The following ADGRL3 variants were observed in gnomAD, a reference collection of about 807,000 sequenced individuals.
ADGRL3 encodes the protein adhesion G protein-coupled receptor L3, also known as calcium-independent alpha-latrotoxin receptor 3.
Under a neutral mutation model 153.5 loss-of-function variants are expected in ADGRL3, and 62 were observed. The ratio of observed to expected loss-of-function variants is 0.40; its 90% CI spans 0.33 to 0.50. ADGRL3 has a LOEUF of 0.50. Ranked by LOEUF, ADGRL3 falls within the 20% of genes least tolerant of loss-of-function variation. The pLI, the probability that ADGRL3 is intolerant of heterozygous loss-of-function variation, is 0.47. For missense variants in ADGRL3, 1,641 were observed against 1,859.4 expected (o/e 0.88, Z 2.16); for synonymous variants, 710 against 672.5 (o/e 1.06, Z -0.86).
chr4:61,974,542 C>A (rs1010787477), intron 17 of ADGRL3, among the ~76,000 whole-genome samples: 1 of 152,110 alleles, frequency 6.6e-6, no homozygotes, highest in African/African-American at 2.4e-5. Context: ...AAGAAATATT[C>A]ACTTTCTTGC....
chr4:61,640,496 G>A (rs2093616316), intron 5 of ADGRL3, among the ~76,000 whole-genome samples: 1 of 152,110 alleles, frequency 6.6e-6, no homozygotes, highest in African/African-American at 2.4e-5. Flanking sequence ...CCCACTATAT[G>A]ATCTTGTAGT....
chr4:62,010,599 T>C (rs1287923507), intron 21 of ADGRL3, among the ~76,000 whole-genome samples: 1 of 152,152 alleles, frequency 6.6e-6, no homozygotes, highest in African/African-American at 2.4e-5. Context: ...CTTCTATATT[T>C]TTAAGCTGTG....
At chr4:61,608,181 C>CAGCT (rs2149634212) in intron 5 of ADGRL3, among the ~76,000 whole-genome samples, 1 of 152,304 alleles carries the variant, frequency 6.6e-6, no homozygotes, top group South Asian at 2.1e-4. Context: ...TGCCTCCTAC[C>CAGCT]AGCTTCCCAC....
chr4:61,585,933 C>A (rs1293158449), intron 4 of ADGRL3, among the ~76,000 whole-genome samples: 1 of 151,852 alleles, frequency 6.6e-6, no homozygotes, highest in Non-Finnish European at 1.5e-5. Context: ...ATACAAAAAA[C>A]TTTTATAACA....
rs759990537 is a variant in ADGRL3, at chr4:61,851,589, C to CAA, written c.1480+37725_1480+37726dup. Among the ~76,000 whole-genome samples the CAA allele has an allele frequency of 3.6e-3, 198 of 55,134 alleles. 2 individuals carry two copies. Among genetic ancestry groups the CAA allele is most frequent in the African/African-American group, 8.5e-3 (155 of 18,158 alleles). 36.2% of individuals were successfully genotyped at this position (55,134 alleles called of 152,430 possible). A position where few individuals can be genotyped will look rare whatever the true frequency, so the allele number is the denominator to read the frequency against. On this transcript the variant is annotated intron_variant, in intron 9 of 26. Transcript: ENST00000683033. ...TGAGCAACAGAGTGAGACCATGTCT[C>CAA]AAAAAAAAAAAAAAAAAAAAAAAAA...
intron 1 of ADGRL3, among the ~76,000 whole-genome samples, chr4:61,226,809 G>A (rs894847297): frequency 1.3e-5 from 2 of 151,702 alleles, no homozygotes; most frequent in African/African-American, 4.8e-5. Flanking sequence ...AAAAACTAAG[G>A]AAAATGGATT....
At chr4:61,625,829 C>G (rs1273455531) in intron 5 of ADGRL3, among the ~76,000 whole-genome samples, 1 of 151,968 alleles carries the variant, frequency 6.6e-6, no homozygotes, top group East Asian at 1.9e-4. Flanking sequence ...TGTTGGTATT[C>G]TAGGCATAAC....
chr4:61,708,284 A>C (rs2095890995), intron 6 of ADGRL3, among the ~76,000 whole-genome samples: 1 of 152,162 alleles, frequency 6.6e-6, no homozygotes, highest in South Asian at 2.1e-4. Context: ...TAGTGAAGTA[A>C]TGTATCAAAG....
At position 62,076,337 on chromosome 4, in the gene ADGRL3, C is replaced by A. The variant is rs1021943539; in HGVS notation, c.*5429C>A. The A allele has an allele frequency of 6.6e-6, 1 of 152,042 alleles. No homozygotes were observed. The highest frequency in any genetic ancestry group is 2.4e-5 in the African/African-American group (1 of 41,516). The allele number at this position is 152,042 out of a possible 1,614,324, so 9.4% of individuals were successfully genotyped here. On this transcript the variant is annotated 3_prime_UTR_variant, in exon 27 of 27. Coordinates refer to ENST00000683033, the MANE Select transcript of ADGRL3 (RefSeq NM_001387552.1). ...CGTTACAGTATTTCAAAGGTAAATG[C>A]AAACTAATTTTTAGGAAGGCTTGTG...
intron 1 of ADGRL3, among the ~76,000 whole-genome samples, chr4:61,301,142 G>A (rs13132034): frequency 0.077 from 11,663 of 152,162 alleles, 514 homozygotes; most frequent in South Asian, 0.11. Flanking sequence ...TGCAGATTAT[G>A]GTCTCTGTTC....
intron 2 of ADGRL3, among the ~76,000 whole-genome samples, chr4:61,446,923 A>C (rs960644389): frequency 6.6e-6 from 1 of 152,172 alleles, no homozygotes; most frequent in African/African-American, 2.4e-5. Context: ...CAGCTTCCTC[A>C]GGATCCCTGA....
intron 5 of ADGRL3, among the ~76,000 whole-genome samples, chr4:61,652,196 CAGG>C (rs1580102567): frequency 2.0e-5 from 3 of 151,634 alleles, no homozygotes; most frequent in Non-Finnish European, 2.9e-5. Context: ...ATCAGAATAT[CAGG>C]AGGTTTTTTT....
In ADGRL3 at chr4:62,071,063, G is replaced by T. The variant is rs1308130298; in HGVS notation, c.*155G>T. 12 of 655,008 alleles carry T rather than the reference G, an allele frequency of 1.8e-5. No individual in the cohort carries two copies. Among genetic ancestry groups the T allele is most frequent in the African/African-American group, 1.3e-4 (7 of 54,666 alleles). 40.6% of individuals were successfully genotyped at this position (655,008 alleles called of 1,614,324 possible). A position where few individuals can be genotyped will look rare whatever the true frequency, so the allele number is the denominator to read the frequency against. ...TCTCAGACTTTTTTTTTTTTAATGG[G>T]ATTTTTAGGTCAGCCCAGGGGAGAA... On this transcript the variant is annotated 3_prime_UTR_variant, in exon 27 of 27. Coordinates refer to ENST00000683033, the MANE Select transcript of ADGRL3 (RefSeq NM_001387552.1).
At chr4:61,389,983 CT>C (rs555108582) in intron 2 of ADGRL3, among the ~76,000 whole-genome samples, 9 of 152,206 alleles carry the variant, frequency 5.9e-5, no homozygotes, top group African/African-American at 2.2e-4. Context: ...AACAATAATA[CT>C]TTTTTTCCCT....
intron 6 of ADGRL3, among the ~76,000 whole-genome samples, chr4:61,696,450 C>T (rs1423831009): frequency 2.0e-5 from 3 of 151,918 alleles, no homozygotes; most frequent in Admixed American, 6.6e-5. Flanking sequence ...TTTTCTTTAC[C>T]AATACTATCA....
At chr4:61,238,278 G>T (rs145053795) in intron 1 of ADGRL3, among the ~76,000 whole-genome samples, 35 of 152,158 alleles carry the variant, frequency 2.3e-4, no homozygotes, top group African/African-American at 8.2e-4. Context: ...CTTATTCACT[G>T]TGGTACTACA....
chr4:61,686,744 G>A (rs1025399118), intron 6 of ADGRL3, among the ~76,000 whole-genome samples: 1 of 152,010 alleles, frequency 6.6e-6, no homozygotes, highest in Non-Finnish European at 1.5e-5. Flanking sequence ...TAAAGGATAA[G>A]TCCTTCCCAT....
At chr4:61,794,053 G>T (rs973580134) in intron 8 of ADGRL3, among the ~76,000 whole-genome samples, 1 of 152,160 alleles carries the variant, frequency 6.6e-6, no homozygotes, top group Non-Finnish European at 1.5e-5. Flanking sequence ...AAGGTGCTAG[G>T]TGCTATTTGC....
intron 2 of ADGRL3, among the ~76,000 whole-genome samples, chr4:61,454,918 A>G (rs566091167): frequency 6.6e-6 from 1 of 152,264 alleles, no homozygotes; most frequent in East Asian, 1.9e-4. Flanking sequence ...GCTAAATCCA[A>G]CTTTCATATT....
Sources: gnomAD v4.1 joint callset for allele counts (sites outside exome capture counted in the v4.1 genomes callset) on GRCh38, gnomAD v4.1.1 for gene constraint, MANE v1.5 for transcripts, NCBI Gene and HGNC (gene_info 2026-07-23, HGNC 2026-07-21) for gene names.